Variants in BTBD9 observed in about 807,000 individuals in gnomAD.
BTBD9 encodes the protein BTB domain containing 9, also known as BTB/POZ domain-containing protein 9.
In BTBD9, 49 loss-of-function variants were observed where a neutral mutation model predicts 64.3. The observed-to-expected ratio is 0.76, with a 90% confidence interval of 0.61 to 0.97. BTBD9 has a LOEUF of 0.97. Among genes scored for constraint, BTBD9 ranks in the 50% least tolerant of loss-of-function variants. The probability of loss-of-function intolerance (pLI) is 0.00; values close to 1 mark genes in which losing one functional copy is unlikely to be tolerated. For synonymous variants in BTBD9, 260 were observed against 274.7 expected, an observed-to-expected ratio of 0.95 and a Z score of 0.53; for missense variants, 598 against 762.1, an observed-to-expected ratio of 0.78 and a Z score of 2.53.
intron 4 of BTBD9, chr6:38,587,565 G>T: frequency 1.7e-6 from 1 of 578,870 alleles, no homozygotes; most frequent in Non-Finnish European, 3.3e-6. Context: ...TTGCAATTCA[G>T]TGTAGTAGGA....
At chr6:38,367,262 A>G (rs1312739002) in intron 6 of BTBD9, among the ~76,000 whole-genome samples, 1 of 152,228 alleles carries the variant, frequency 6.6e-6, no homozygotes. Context: ...TAATTTGTCC[A>G]TCTTTTTTCA....
chr6:38,319,002 T>C (rs770799822), intron 7 of BTBD9, among the ~76,000 whole-genome samples: 2 of 152,218 alleles, frequency 1.3e-5, no homozygotes, highest in Non-Finnish European at 2.9e-5. Flanking sequence ...TTCCCACCCC[T>C]TGCCCCAGCC....
intron 6 of BTBD9, among the ~76,000 whole-genome samples, chr6:38,521,849 A>G (rs1315897916): frequency 6.6e-6 from 1 of 151,992 alleles, no homozygotes; most frequent in Non-Finnish European, 1.5e-5. Flanking sequence ...TAACTTTTGT[A>G]TTTTTAGTAG....
At chr6:38,616,229 G>C (rs530061941) in intron 1 of BTBD9, among the ~76,000 whole-genome samples, 1 of 152,242 alleles carries the variant, frequency 6.6e-6, no homozygotes, top group East Asian at 1.9e-4. Context: ...CAACCACTGA[G>C]CTTAATAGAG....
At chr6:38,238,410 G>C (rs1442305444) in intron 9 of BTBD9, among the ~76,000 whole-genome samples, 1 of 151,810 alleles carries the variant, frequency 6.6e-6, no homozygotes, top group Non-Finnish European at 1.5e-5. Flanking sequence ...GCAATTGGTT[G>C]AGAGTTATTA....
chr6:38,357,016 T>C (rs563444581), intron 6 of BTBD9, among the ~76,000 whole-genome samples: 8 of 152,316 alleles, frequency 5.3e-5, no homozygotes, highest in African/African-American at 1.9e-4. Flanking sequence ...TGAATCCTCC[T>C]ATGGTATGAC....
In BTBD9 at chr6:38,228,079, T is replaced by C. The variant is rs556766259; in HGVS notation, c.1562+28330A>G. 2.5e-3 allele frequency among the ~76,000 whole-genome samples: 383 copies of C among 152,206 alleles called. 2 individuals carry two copies. Among genetic ancestry groups the C allele is most frequent in the Non-Finnish European group, 4.9e-3 (336 of 68,006 alleles). ...AATGTATAACACCAGGAGTCAACCC[T>C]GGCCAGGCACAGTGGCTCAAACCTG... On this transcript the variant is annotated intron_variant, in intron 9 of 10. Transcript: ENST00000481247.
At chr6:38,463,011 G>T (rs180777921) in intron 6 of BTBD9, among the ~76,000 whole-genome samples, 1 of 152,262 alleles carries the variant, frequency 6.6e-6, no homozygotes, top group East Asian at 1.9e-4. Flanking sequence ...GCCCAGGCTG[G>T]TCTCAAACTC....
intron 6 of BTBD9, among the ~76,000 whole-genome samples, chr6:38,534,575 A>C (rs1773938996): frequency 1.3e-5 from 2 of 152,092 alleles, no homozygotes; most frequent in African/African-American, 2.4e-5. Context: ...ACATCAAAAA[A>C]AGAAAACTAC....
chr6:38,564,024 C>T (rs552815384), intron 6 of BTBD9, among the ~76,000 whole-genome samples: 12 of 151,874 alleles, frequency 7.9e-5, no homozygotes, highest in South Asian at 2.1e-4. Context: ...CCTTGTGATC[C>T]GCCCACCTCA....
At chr6:38,385,268 T>C (rs187362251) in intron 6 of BTBD9, among the ~76,000 whole-genome samples, 158 of 151,284 alleles carry the variant, frequency 1.0e-3, no homozygotes, top group Non-Finnish European at 1.6e-3. Flanking sequence ...CTCAGCTCAC[T>C]GCAACCTCCG....
chr6:38,558,435 T>G (rs1309808304), intron 6 of BTBD9, among the ~76,000 whole-genome samples: 1 of 152,218 alleles, frequency 6.6e-6, no homozygotes, highest in Admixed American at 6.5e-5. Flanking sequence ...AGTACTATGT[T>G]GAATAGGCGT....
Position 38,311,198 on chromosome 6 carries a change from AT to A in BTBD9, c.1265-22738del, listed in dbSNP as rs113937215. 8.7e-3 allele frequency among the ~76,000 whole-genome samples: 1,232 copies of A among 141,130 alleles called. 6 individuals carry two copies. Among genetic ancestry groups the A allele is most frequent in the African/African-American group, 0.016 (601 of 38,726 alleles). 92.6% of individuals were successfully genotyped at this position (141,130 alleles called of 152,430 possible). A position where few individuals can be genotyped will look rare whatever the true frequency, so the allele number is the denominator to read the frequency against. ...TGAAACGCTAGATCTTATTCATCCT[AT>A]TTTTTTTTTTTTTGTATCTATTAAC... On this transcript the variant is annotated intron_variant, in intron 7 of 10. Transcript: ENST00000481247.
At chr6:38,442,738 C>T (rs1287943596) in intron 6 of BTBD9, among the ~76,000 whole-genome samples, 3 of 136,514 alleles carry the variant, frequency 2.2e-5, no homozygotes, top group East Asian at 2.2e-4. Context: ...GGTGCAATCT[C>T]GGCTTACCGC....
chr6:38,594,271 T>C lies in BTBD9; in HGVS notation c.242A>G (p.Gln81Arg), dbSNP rs776631922. The change falls in exon 3 of 11, where the codon CAA (glutamine) becomes CGA (arginine). Residue 81 changes from glutamine (Q) to arginine (R), a missense_variant. Physicochemically the swap from Gln to Arg is conservative, Grantham distance 43. Coordinates refer to ENST00000481247, the MANE Select transcript of BTBD9 (RefSeq NM_001099272.2). ...ESQPEAEIPL[Q>R]DTTAEAFTML... The stretch of plus-strand genomic sequence containing the variant: ...TGTGAATGCTTCTGCAGTGGTGTCT[T>C]GGAGAGGAATTTCTGCTTCAGGCTG... 4 of 1,614,032 alleles carry C rather than the reference T, an allele frequency of 2.5e-6. No homozygotes were observed. Among genetic ancestry groups the C allele is most frequent in the African/African-American group, 2.7e-5 (2 of 74,944 alleles).
intron 10 of BTBD9, among the ~76,000 whole-genome samples, chr6:38,182,630 C>T (rs1028983565): frequency 1.3e-5 from 2 of 152,150 alleles, no homozygotes; most frequent in Non-Finnish European, 2.9e-5. Context: ...GACCAGGCTC[C>T]GCATGTACCT....
At chr6:38,290,324 G>GA (rs1030976099) in intron 7 of BTBD9, among the ~76,000 whole-genome samples, 1 of 151,420 alleles carries the variant, frequency 6.6e-6, no homozygotes, top group African/African-American at 2.4e-5. Context: ...TGTGACTTTG[G>GA]AAAGAAACAG....
intron 8 of BTBD9, among the ~76,000 whole-genome samples, chr6:38,256,974 G>C (rs2127535342): frequency 6.6e-6 from 1 of 152,106 alleles, no homozygotes; most frequent in South Asian, 2.1e-4. Flanking sequence ...TGTGTAAACA[G>C]TGGAGGCTCA....
At chr6:38,494,173 C>T (rs191659246) in intron 6 of BTBD9, among the ~76,000 whole-genome samples, 264 of 152,332 alleles carry the variant, frequency 1.7e-3, no homozygotes, top group Middle Eastern at 3.4e-3. Context: ...TTTCAAAGGA[C>T]AAAGTTCAGT....
Sources: gnomAD v4.1 joint callset for allele counts (sites outside exome capture counted in the v4.1 genomes callset) on GRCh38, gnomAD v4.1.1 for gene constraint, MANE v1.5 for transcripts, NCBI Gene and HGNC (gene_info 2026-07-23, HGNC 2026-07-21) for gene names.